Variants in IGFBP7 observed in about 807,000 individuals in gnomAD.
IGFBP7 encodes the protein insulin like growth factor binding protein 7.
A neutral mutation model predicts 29.4 loss-of-function variants in IGFBP7; 31 were observed. The ratio of observed to expected loss-of-function variants is 1.05; its 90% confidence interval spans 0.79 to 1.42. The LOEUF (loss-of-function observed/expected upper bound fraction) is 1.42, where lower values mean the gene tolerates loss of function less well. Among genes scored for constraint, IGFBP7 ranks in the 40% most tolerant of loss-of-function variants. IGFBP7 has a pLI of 0.00. For synonymous variants in IGFBP7, 172 were observed against 174.9 expected (o/e 0.98, Z 0.13); for missense variants, 393 against 395.5 (o/e 0.99, Z 0.05).
chr4:57,091,827 A>G (rs1025925547), intron 1 of IGFBP7, among the ~76,000 whole-genome samples: 1 of 152,254 alleles, frequency 6.6e-6, no homozygotes, highest in African/African-American at 2.4e-5. Context: ...TAAGGACCCA[A>G]GGAGAGCTCC....
chr4:57,096,271 C>T (rs1725762327), intron 1 of IGFBP7, among the ~76,000 whole-genome samples: 2 of 147,042 alleles, frequency 1.4e-5, no homozygotes, highest in African/African-American at 5.1e-5. Context: ...TTACACTTCC[C>T]ATGGCACACT....
At chr4:57,041,340 G>A (rs1383192967) in intron 1 of IGFBP7, among the ~76,000 whole-genome samples, 3 of 151,922 alleles carry the variant, frequency 2.0e-5, no homozygotes, top group Non-Finnish European at 4.4e-5. Context: ...ACAAGCAACC[G>A]CTCCATGGGT....
intron 1 of IGFBP7, among the ~76,000 whole-genome samples, chr4:57,062,792 G>T (rs1724829547): frequency 6.6e-6 from 1 of 152,138 alleles, no homozygotes; most frequent in South Asian, 2.1e-4. Context: ...TTAACACTTA[G>T]TAAACACTCC....
In IGFBP7 at chr4:57,036,138, A is replaced by C. The variant is rs144549118; in HGVS notation, c.586-2827T>G. ...GCTGTTGAGAAGCAGACTTGGACGGATGTCCATGAAGTATTTGTTGAGAAA... is the reference window on the plus strand; with the variant it reads ...GCTGTTGAGAAGCAGACTTGGACGGCTGTCCATGAAGTATTTGTTGAGAAA... On this transcript the variant is annotated intron_variant, in intron 2 of 4. Transcript: ENST00000295666. Among the ~76,000 whole-genome samples, 433 of 152,338 alleles carry C rather than the reference A, an allele frequency of 2.8e-3. 1 individual carries two copies. Among genetic ancestry groups the C allele is most frequent in the Middle Eastern group, 0.014 (4 of 292 alleles).
Position 57,037,513 on chromosome 4 carries a change from A to G in IGFBP7, c.585+3311T>C, listed in dbSNP as rs529719336. ...ACCTCAGCCTCCCGAGTGGCTAGGGACTACAGGTGCGAGCCACCACACCAG... is the reference window on the plus strand; with the variant it reads ...ACCTCAGCCTCCCGAGTGGCTAGGGGCTACAGGTGCGAGCCACCACACCAG... On this transcript the variant is annotated intron_variant, in intron 2 of 4. Coordinates refer to ENST00000295666, the MANE Select transcript of IGFBP7 (RefSeq NM_001553.3). 8.6e-5 allele frequency among the ~76,000 whole-genome samples: 13 copies of G among 151,772 alleles called. No individual in the cohort carries two copies. In the East Asian group the frequency reaches 2.2e-3, roughly 25 times the overall value.
intron 1 of IGFBP7, among the ~76,000 whole-genome samples, chr4:57,085,047 C>T (rs917620603): frequency 6.6e-6 from 1 of 151,984 alleles, no homozygotes; most frequent in Non-Finnish European, 1.5e-5. Context: ...CCTTGGATTC[C>T]CAAAGTGCTG....
intron 1 of IGFBP7, among the ~76,000 whole-genome samples, chr4:57,102,922 A>C (rs1725932755): frequency 6.6e-6 from 1 of 152,150 alleles, no homozygotes; most frequent in Non-Finnish European, 1.5e-5. Context: ...AAGCAGAGAG[A>C]AGGAGTAATA....
chr4:57,077,272 G>C (rs767052075), intron 1 of IGFBP7, among the ~76,000 whole-genome samples: 1 of 152,050 alleles, frequency 6.6e-6, no homozygotes, highest in African/African-American at 2.4e-5. Flanking sequence ...CTTCAAGAAA[G>C]GCATATTTAT....
At chr4:57,085,982 A>C (rs979667004) in intron 1 of IGFBP7, among the ~76,000 whole-genome samples, 2 of 152,124 alleles carry the variant, frequency 1.3e-5, no homozygotes, top group Non-Finnish European at 2.9e-5. Context: ...CCTGGAAGGG[A>C]GCTGTATTAG....
chr4:57,037,063 TG>T (rs1416196637), intron 2 of IGFBP7, among the ~76,000 whole-genome samples: 35 of 152,336 alleles, frequency 2.3e-4, no homozygotes, highest in Non-Finnish European at 4.1e-4. Flanking sequence ...TTTTAGGAAA[TG>T]ACACCTTCAT....
chr4:57,056,999 ATAG>A (rs1485881944), intron 1 of IGFBP7, among the ~76,000 whole-genome samples: 2 of 152,008 alleles, frequency 1.3e-5, no homozygotes, highest in Non-Finnish European at 2.9e-5. Flanking sequence ...CATGATTTCT[ATAG>A]TAGATTTTTT....
At chr4:57,071,953 T>C (rs981261833) in intron 1 of IGFBP7, among the ~76,000 whole-genome samples, 3 of 152,196 alleles carry the variant, frequency 2.0e-5, no homozygotes, top group East Asian at 1.9e-4. Flanking sequence ...CTGGGAAACA[T>C]GGTGAGACCC....
At chr4:57,092,945 C>T (rs1725674354) in intron 1 of IGFBP7, among the ~76,000 whole-genome samples, 1 of 151,606 alleles carries the variant, frequency 6.6e-6, no homozygotes, top group African/African-American at 2.4e-5. Context: ...CACCTACTTG[C>T]TAAATGAAAA....
intron 1 of IGFBP7, among the ~76,000 whole-genome samples, chr4:57,056,920 G>A (rs1333218045): frequency 6.6e-6 from 1 of 152,132 alleles, no homozygotes; most frequent in South Asian, 2.1e-4. Flanking sequence ...CTTTTTTTGA[G>A]TTTTGTTTTT....
chr4:57,056,105 G>A (rs11573084), intron 1 of IGFBP7, among the ~76,000 whole-genome samples: 3 of 151,988 alleles, frequency 2.0e-5, no homozygotes, highest in Non-Finnish European at 2.9e-5. Flanking sequence ...AGCTCCTCCT[G>A]CTCTTTCTCA....
At chr4:57,072,033 A>G (rs77531259) in intron 1 of IGFBP7, among the ~76,000 whole-genome samples, 11,559 of 151,954 alleles carry the variant, frequency 0.076, 615 homozygotes, top group African/African-American at 0.15. Context: ...GTACATGTGA[A>G]GGTTTGTTAC....
intron 1 of IGFBP7, among the ~76,000 whole-genome samples, chr4:57,048,647 A>C (rs1444228689): frequency 2.0e-5 from 3 of 152,220 alleles, no homozygotes; most frequent in African/African-American, 7.2e-5. Context: ...AAGTCTTGGT[A>C]GTGAGGACAG....
chr4:57,094,141 A>C (rs1725704948), intron 1 of IGFBP7, among the ~76,000 whole-genome samples: 1 of 152,196 alleles, frequency 6.6e-6, no homozygotes, highest in African/African-American at 2.4e-5. Context: ...GAGCAGGGGC[A>C]GTCTTTCTCC....
intron 1 of IGFBP7, among the ~76,000 whole-genome samples, chr4:57,066,389 C>T (rs1486283490): frequency 6.6e-6 from 1 of 152,178 alleles, no homozygotes; most frequent in Non-Finnish European, 1.5e-5. Context: ...TCCCTGCTGA[C>T]ATACTGACTG....
Sources: allele counts gnomAD v4.1 joint callset (sites outside exome capture counted in the v4.1 genomes callset), GRCh38; gene constraint gnomAD v4.1.1; transcripts MANE v1.5; gene names NCBI Gene and HGNC (gene_info 2026-07-23, HGNC 2026-07-21).